The following GBE1 variants were observed in gnomAD, a reference collection of about 807,000 sequenced individuals.
The protein encoded by GBE1 is 1,4-alpha-glucan branching enzyme 1, also known as 1,4-alpha-glucan-branching enzyme.
GBE1 carries 70 observed loss-of-function variants against 88.8 expected under a neutral mutation model. The ratio of observed to expected loss-of-function variants is 0.79; its 90% CI spans 0.65 to 0.96. The LOEUF (loss-of-function observed/expected upper bound fraction) is 0.96. GBE1 is among the 40% of genes least tolerant of loss of function. The pLI, the probability that GBE1 is intolerant of heterozygous loss-of-function variation, is 0.00. For synonymous variants in GBE1, 284 were observed against 300.1 expected (o/e 0.95, Z 0.56); for missense variants, 872 against 871.0 (o/e 1.00, Z -0.01).
At chr3:81,629,132 C>T (rs1356039130) in intron 7 of GBE1, among the ~76,000 whole-genome samples, 10 of 142,190 alleles carry the variant, frequency 7.0e-5, no homozygotes, top group Admixed American at 2.2e-4. Flanking sequence ...CACCCACTAA[C>T]GTGTCATCTA....
At chr3:81,506,946 C>G (rs1458035365) in intron 14 of GBE1, among the ~76,000 whole-genome samples, 1 of 151,918 alleles carries the variant, frequency 6.6e-6, no homozygotes, top group Non-Finnish European at 1.5e-5. Context: ...GGAAGAGGAT[C>G]AGGAAAAACA....
At chr3:81,581,104 G>A (rs1703723313) in intron 11 of GBE1, 61 bp downstream of exon 11, 3 of 916,792 alleles carry the variant, frequency 3.3e-6, no homozygotes, top group African/African-American at 1.7e-5. Context: ...TGTTATTAAG[G>A]AGAGGGAAGG....
chr3:81,646,953 T>C (rs969560486), intron 5 of GBE1, among the ~76,000 whole-genome samples: 18 of 149,780 alleles, frequency 1.2e-4, no homozygotes, highest in Admixed American at 1.1e-3. Flanking sequence ...TTCCATAAGG[T>C]AGCTTTTTTT....
intron 7 of GBE1, among the ~76,000 whole-genome samples, chr3:81,614,700 A>G (rs536155096): frequency 2.6e-4 from 40 of 152,226 alleles, no homozygotes; most frequent in African/African-American, 9.1e-4. Flanking sequence ...TCTACTAAAG[A>G]TACAAAAAAT....
chr3:81,734,212 A>C (rs1706225189), intron 1 of GBE1, among the ~76,000 whole-genome samples: 1 of 152,190 alleles, frequency 6.6e-6, no homozygotes. Flanking sequence ...AAATACACTA[A>C]ATTTCCTAAA....
chr3:81,743,695 CAAGA>C (rs1706382743), intron 1 of GBE1: 1 of 1,003,164 alleles, frequency 1.0e-6, no homozygotes, highest in African/African-American at 1.7e-5. Context: ...GTCATTTTAT[CAAGA>C]AAGACCAGAT....
intron 11 of GBE1, among the ~76,000 whole-genome samples, chr3:81,578,534 T>C (rs904941977): frequency 6.6e-6 from 1 of 151,224 alleles, no homozygotes; most frequent in Non-Finnish European, 1.5e-5. Flanking sequence ...ATTTTGCTCA[T>C]ATATATGAGT....
At chr3:81,626,655 C>T (rs892953620) in intron 7 of GBE1, among the ~76,000 whole-genome samples, 1 of 149,196 alleles carries the variant, frequency 6.7e-6, no homozygotes, top group Non-Finnish European at 1.5e-5. Flanking sequence ...GTGGCTAGAG[C>T]GTAGTAAGCA....
chr3:81,714,019 G>C (rs1032487946), intron 1 of GBE1, among the ~76,000 whole-genome samples: 1 of 152,128 alleles, frequency 6.6e-6, no homozygotes, highest in Non-Finnish European at 1.5e-5. Flanking sequence ...AGAAAGCAAG[G>C]AGTAGGACAG....
intron 2 of GBE1, among the ~76,000 whole-genome samples, chr3:81,688,853 T>C (rs930083484): frequency 1.3e-5 from 2 of 151,538 alleles, no homozygotes; most frequent in Non-Finnish European, 2.9e-5. Context: ...CTATATATAT[T>C]TAATGCTATA....
chr3:81,593,590 C>A (rs1483835417), intron 8 of GBE1, among the ~76,000 whole-genome samples: 4 of 151,844 alleles, frequency 2.6e-5, no homozygotes, highest in Non-Finnish European at 5.9e-5. Flanking sequence ...GCATTCACAA[C>A]TGTTCTCATC....
intron 7 of GBE1, among the ~76,000 whole-genome samples, chr3:81,608,491 C>A (rs1273693985): frequency 6.6e-6 from 1 of 152,104 alleles, no homozygotes; most frequent in African/African-American, 2.4e-5. Flanking sequence ...TTTTCAAAAC[C>A]TCTTTCAACC....
At chr3:81,662,126 G>A (rs1284393924) in intron 3 of GBE1, among the ~76,000 whole-genome samples, 1 of 151,996 alleles carries the variant, frequency 6.6e-6, no homozygotes, top group Admixed American at 6.6e-5. Flanking sequence ...TCCGCCTCCC[G>A]GGTTCAAGCG....
At chr3:81,751,097 C>A (rs1324173152) in intron 1 of GBE1, among the ~76,000 whole-genome samples, 1 of 152,008 alleles carries the variant, frequency 6.6e-6, no homozygotes, top group East Asian at 1.9e-4. Context: ...TCTCTGTATA[C>A]CCCCGGCCCT....
intron 2 of GBE1, among the ~76,000 whole-genome samples, chr3:81,697,502 G>A (rs1325803244): frequency 4.6e-5 from 7 of 152,088 alleles, no homozygotes; most frequent in African/African-American, 9.6e-5. Context: ...GGATTTCACC[G>A]TGTTAGCCAG....
At chr3:81,490,555 A>C in intron 15 of GBE1, 92 bp from the exon 16 acceptor site, 1 of 1,001,538 alleles carries the variant, frequency 1.0e-6, no homozygotes, top group Non-Finnish European at 1.6e-6. Context: ...GCAGTCTCAC[A>C]TCTGCCTAAA....
In GBE1 at chr3:81,761,525, C is replaced by T; in HGVS notation, c.-8G>A. 3.7e-6 allele frequency: 6 copies of T among 1,600,566 alleles called. No homozygotes were observed. The highest frequency in any genetic ancestry group is 1.4e-5 in the African/African-American group (1 of 71,716). On this transcript the variant is annotated 5_prime_UTR_variant, in exon 1 of 16. Transcript: ENST00000429644. ...AGTCATCGGAGCCGCCATATTCCGC[C>T]GCAGTCCAAGTAGCCGAGGCCCGAG...
At chr3:81,740,666 T>C (rs2680243) in intron 1 of GBE1, among the ~76,000 whole-genome samples, 2,400 of 152,142 alleles carry the variant, frequency 0.016, 58 homozygotes, top group African/African-American at 0.054. Flanking sequence ...TCTCCAACTA[T>C]ACAAACTGCT....
rs1345380306 is a variant in GBE1, at chr3:81,706,948, A to G, written c.144-1335T>C. Among the ~76,000 whole-genome samples the G allele has an allele frequency of 2.6e-5, 4 of 152,146 alleles. No homozygotes were observed. In the East Asian group the frequency reaches 5.8e-4, roughly 22 times the overall value. ...TGAGAATTGAAATAATTAAAGAAAA[A>G]CAATGAATTTGAATATATTAAAAAG... On this transcript the variant is annotated intron_variant, in intron 1 of 15. Transcript: ENST00000429644.
Sources: gnomAD v4.1 joint callset for allele counts (sites outside exome capture counted in the v4.1 genomes callset) on GRCh38, gnomAD v4.1.1 for gene constraint, MANE v1.5 for transcripts, NCBI Gene and HGNC (gene_info 2026-07-23, HGNC 2026-07-21) for gene names.